The following DOCK2 variants were observed in gnomAD, a reference collection of about 807,000 sequenced individuals.
DOCK2 encodes the protein dedicator of cytokinesis protein 2.
In DOCK2, 87 loss-of-function variants were observed where a neutral mutation model predicts 248.9. The observed-to-expected ratio is 0.35, with a 90% CI of 0.29 to 0.42. The LOEUF (loss-of-function observed/expected upper bound fraction) is 0.42, where lower values mean the gene tolerates loss of function less well. Among genes scored for constraint, DOCK2 ranks in the 10% least tolerant of loss-of-function variants. The pLI is 1.00. For missense variants in DOCK2, 1,747 were observed against 2,300.2 expected (o/e 0.76, Z 4.92); for synonymous variants, 805 against 821.6 (o/e 0.98, Z 0.35).
intron 25 of DOCK2, among the ~76,000 whole-genome samples, chr5:169,796,384 G>T (rs954257332): frequency 6.6e-6 from 1 of 152,138 alleles, no homozygotes; most frequent in Non-Finnish European, 1.5e-5. Flanking sequence ...GGAGGAGAGG[G>T]GTAATGGCAT....
At chr5:169,969,445 A>G (rs1777421772) in intron 27 of DOCK2, among the ~76,000 whole-genome samples, 1 of 152,206 alleles carries the variant, frequency 6.6e-6, no homozygotes, top group Non-Finnish European at 1.5e-5. Flanking sequence ...GCTCCATCTC[A>G]AAAAACAAAG....
chr5:169,807,446 T>A (rs1048797420), intron 26 of DOCK2, among the ~76,000 whole-genome samples: 3 of 152,188 alleles, frequency 2.0e-5, no homozygotes, highest in East Asian at 3.9e-4. Flanking sequence ...TCTTTTTTTT[T>A]CCTTTAGTAT....
At chr5:170,008,406 G>T in intron 30 of DOCK2, 91 bp from the exon 31 acceptor site, 2 of 1,348,258 alleles carry the variant, frequency 1.5e-6, no homozygotes. Flanking sequence ...TCTGTCTTCT[G>T]CCATCTTCAT....
Position 169,957,492 on chromosome 5 carries a change from C to T in DOCK2, c.2800-25576C>T, listed in dbSNP as rs76771581. Among the ~76,000 whole-genome samples the T allele has an allele frequency of 7.0e-3, 1,060 of 152,302 alleles. 11 individuals are homozygous for T. The highest frequency in any genetic ancestry group is 0.024 in the African/African-American group (1,006 of 41,550). Reference sequence around the variant, plus strand: ...CCTGTAAGGAGAAGTATACCATTCCCACTGAACAGATGAGAAAACTGAGGC... The same window carrying T: ...CCTGTAAGGAGAAGTATACCATTCCTACTGAACAGATGAGAAAACTGAGGC... On this transcript the variant is annotated intron_variant, in intron 27 of 51. Transcript: ENST00000520908.
At chr5:169,687,339 G>A (rs1404470110) in intron 8 of DOCK2, among the ~76,000 whole-genome samples, 1 of 152,080 alleles carries the variant, frequency 6.6e-6, no homozygotes. Context: ...ACTTGATTGA[G>A]TTTTAAGCAT....
chr5:170,075,366 C>T (rs1217520314), intron 46 of DOCK2: 1 of 152,562 alleles, frequency 6.6e-6, no homozygotes, highest in Non-Finnish European at 1.5e-5. Flanking sequence ...CTTCCTAAGG[C>T]TTTTATTATC....
At chr5:169,698,564 C>A in intron 11 of DOCK2, 115 bp downstream of exon 11, 1 of 1,111,148 alleles carries the variant, frequency 9.0e-7, no homozygotes. Context: ...GTGGAGCCTC[C>A]CAAGGGAAGC....
intron 22 of DOCK2, among the ~76,000 whole-genome samples, chr5:169,741,825 T>G (rs1763322623): frequency 8.5e-6 from 1 of 117,226 alleles, no homozygotes; most frequent in South Asian, 3.3e-4. Flanking sequence ...TTTTTTTTTT[T>G]TTGAGACGGA....
At chr5:169,766,062 C>CT (rs1286329599) in intron 25 of DOCK2, among the ~76,000 whole-genome samples, 1 of 152,012 alleles carries the variant, frequency 6.6e-6, no homozygotes. Context: ...CAGTTACTAC[C>CT]TTTTTTTTCT....
intron 32 of DOCK2, among the ~76,000 whole-genome samples, chr5:170,012,139 C>G (rs1010159970): frequency 6.6e-6 from 1 of 152,338 alleles, no homozygotes; most frequent in South Asian, 2.1e-4. Context: ...TGTCCTGTCT[C>G]TTGATCCCAA....
intron 26 of DOCK2, among the ~76,000 whole-genome samples, chr5:169,828,966 G>T (rs1028766414): frequency 2.0e-5 from 3 of 152,162 alleles, no homozygotes; most frequent in Non-Finnish European, 4.4e-5. Context: ...GTGTAAGAGG[G>T]GGCAGCTCCG....
chr5:169,818,583 T>C (rs1490512697), intron 26 of DOCK2, among the ~76,000 whole-genome samples: 1 of 152,176 alleles, frequency 6.6e-6, no homozygotes, highest in Non-Finnish European at 1.5e-5. Context: ...TTTCCTTCCT[T>C]ACTGCCTTAA....
chr5:170,075,833 G>A, intron 46 of DOCK2, 114 bp from the exon 47 acceptor site: 1 of 1,398,886 alleles, frequency 7.1e-7, no homozygotes, highest in South Asian at 1.3e-5. Context: ...GGACCCTGAA[G>A]CCCTTGATGA....
Position 169,763,114 on chromosome 5 carries a change from AGTTT to A in DOCK2, c.2554+1495_2554+1498del, listed in dbSNP as rs1372719023. Among the ~76,000 whole-genome samples, 2 of 152,212 alleles carry A rather than the reference AGTTT, an allele frequency of 1.3e-5. No individual in the cohort carries two copies. Among genetic ancestry groups the A allele is most frequent in the African/African-American group, 4.8e-5 (2 of 41,454 alleles). ...CAACAGATTAATCCAATAAATATGT[AGTTT>A]GTTTGAGCCAGGTGGTTTTTGTGAG... On this transcript the variant is annotated intron_variant, in intron 25 of 51. Transcript: ENST00000520908. The surrounding 1 kb of genome is among the most constrained non-coding windows in gnomAD (Gnocchi z 4.1).
At chr5:169,903,839 C>T (rs961892783) in intron 27 of DOCK2, among the ~76,000 whole-genome samples, 3 of 151,938 alleles carry the variant, frequency 2.0e-5, no homozygotes, top group Admixed American at 2.0e-4. Context: ...GTGGCTCATG[C>T]CTGTAATCCC....
intron 2 of DOCK2, among the ~76,000 whole-genome samples, chr5:169,661,647 C>T (rs1758451486): frequency 6.6e-6 from 1 of 152,126 alleles, no homozygotes; most frequent in Admixed American, 6.5e-5. Context: ...CTGGTAACCC[C>T]TGTTTCATTC....
chr5:170,006,036 C>T (rs1755023277), intron 30 of DOCK2, among the ~76,000 whole-genome samples: 1 of 152,174 alleles, frequency 6.6e-6, no homozygotes, highest in Admixed American at 6.5e-5. Flanking sequence ...TTCTCTTGCC[C>T]TGGCTTGTTG....
chr5:169,893,183 A>G (rs985784119), intron 27 of DOCK2, among the ~76,000 whole-genome samples: 2 of 152,204 alleles, frequency 1.3e-5, no homozygotes, highest in South Asian at 4.1e-4. Flanking sequence ...GCCTCAGGGC[A>G]CCTGCCCTGT....
intron 44 of DOCK2, among the ~76,000 whole-genome samples, chr5:170,064,107 G>A (rs1266562717): frequency 2.6e-5 from 4 of 152,208 alleles, no homozygotes. Context: ...GATTTGAGAG[G>A]AACCCTAACA....
Sources: allele counts gnomAD v4.1 joint callset (sites outside exome capture counted in the v4.1 genomes callset), GRCh38; gene constraint gnomAD v4.1.1; non-coding constraint Gnocchi (gnomAD v3.1); transcripts MANE v1.5; gene names NCBI Gene and HGNC (gene_info 2026-07-23, HGNC 2026-07-21).